The following SEC61A1 variants were observed in gnomAD, a reference collection of about 807,000 sequenced individuals.
SEC61A1 encodes SEC61 translocon subunit alpha 1.
In SEC61A1, 15 loss-of-function variants were observed where a neutral mutation model predicts 55.2. That is an observed-to-expected ratio of 0.27 (90% confidence interval 0.18 to 0.42). The LOEUF is 0.42. SEC61A1 is among the 10% of genes least tolerant of loss of function. The pLI, the probability that SEC61A1 is intolerant of heterozygous loss-of-function variation, is 1.00. For missense variants in SEC61A1, 284 were observed against 602.6 expected (o/e 0.47, Z 5.53); for synonymous variants, 247 against 234.0 (o/e 1.06, Z -0.51).
In SEC61A1 at chr3:128,052,485, G is replaced by C. The variant is rs548077276; in HGVS notation, c.-68G>C. The C allele has an allele frequency of 3.8e-6, 6 of 1,559,230 alleles. 1 individual carries two copies. The East Asian group carries it at 1.4e-4, about 37-fold the overall frequency. ...TGTGCAGTGGAACGCGCTGGGCCGC[G>C]GGCAGCGTCGCCTCACGCGGAGCAG... On this transcript the variant is annotated 5_prime_UTR_variant, in exon 1 of 12. Coordinates refer to ENST00000243253, the MANE Select transcript of SEC61A1 (RefSeq NM_013336.4).
At chr3:128,055,087 A>G (rs1310841805) in intron 2 of SEC61A1, among the ~76,000 whole-genome samples, 2 of 152,234 alleles carry the variant, frequency 1.3e-5, no homozygotes, top group Non-Finnish European at 2.9e-5. Context: ...TTTGTGACTG[A>G]AACTCAAATG....
chr3:128,058,357 C>T (rs1322929891), intron 5 of SEC61A1, among the ~76,000 whole-genome samples: 1 of 151,772 alleles, frequency 6.6e-6, no homozygotes, highest in Non-Finnish European at 1.5e-5. Context: ...TACAGGTGCC[C>T]GCCACCACGC....
rs2107639406 is a variant in SEC61A1, at chr3:128,052,516, A to T, written c.-37A>T. 3 of 1,591,558 alleles carry T rather than the reference A, an allele frequency of 1.9e-6. No individual in the cohort carries two copies. The highest frequency in any genetic ancestry group is 2.7e-5 in the African/African-American group (2 of 74,716). On this transcript the variant is annotated 5_prime_UTR_variant, in exon 1 of 12. Transcript: ENST00000243253. ...CGTCGCCTCACGCGGAGCAGAGCTG[A>T]GCTGAAGCGGGACCCGGAGCCCGAG...
intron 1 of SEC61A1, 32 bp downstream of exon 1, chr3:128,052,591 G>T: frequency 6.3e-7 from 1 of 1,588,472 alleles, no homozygotes; most frequent in Non-Finnish European, 8.6e-7. Flanking sequence ...TATTGAGGCC[G>T]GGACGGAACA....
intron 5 of SEC61A1, among the ~76,000 whole-genome samples, chr3:128,057,508 T>G (rs1251490400): frequency 1.3e-5 from 2 of 152,232 alleles, no homozygotes; most frequent in Non-Finnish European, 2.9e-5. Context: ...AAGGATTAAA[T>G]AATCACTGTC....
intron 7 of SEC61A1, chr3:128,064,670 C>T (rs1322057671): frequency 1.8e-6 from 1 of 556,566 alleles, no homozygotes; most frequent in East Asian, 3.0e-5. Flanking sequence ...CAAAAACAAA[C>T]CAGAATAGCC....
intron 6 of SEC61A1, 123 bp from the exon 7 acceptor site, chr3:128,060,385 G>A (rs1315100300): frequency 8.5e-7 from 1 of 1,182,354 alleles, no homozygotes; most frequent in Non-Finnish European, 1.2e-6. Context: ...ACCGCTCTCT[G>A]GGGCTGAGGA....
chr3:128,053,201 CAGTT>C (rs989525655), intron 2 of SEC61A1, among the ~76,000 whole-genome samples: 2 of 152,170 alleles, frequency 1.3e-5, no homozygotes, highest in Non-Finnish European at 2.9e-5. Flanking sequence ...AATAAGGCCT[CAGTT>C]AGGATAGCAG....
Position 128,068,074 on chromosome 3 carries a change from C to T in SEC61A1, c.1244+15C>T, listed in dbSNP as rs776590879. 9.3e-6 allele frequency: 15 copies of T among 1,609,740 alleles called. No homozygotes were observed. In the South Asian group the frequency reaches 1.6e-4, roughly 18 times the overall value. On this transcript the variant is annotated intron_variant, in intron 11 of 11. Coordinates refer to ENST00000243253, the MANE Select transcript of SEC61A1 (RefSeq NM_013336.4). ...GAACTCAACCGGTGAGTGGTGGCCCCAGGTCCCCAACCTCCCGTCTGTGGA... is the reference window on the plus strand; with the variant it reads ...GAACTCAACCGGTGAGTGGTGGCCCTAGGTCCCCAACCTCCCGTCTGTGGA...
upstream of SEC61A1, chr3:128,052,036 C>T: frequency 1.3e-6 from 1 of 765,418 alleles, no homozygotes; most frequent in Admixed American, 2.2e-5. Flanking sequence ...TCACTAACGT[C>T]AAAGAGCAGT....
chr3:128,061,018 T>A (rs190531034), intron 7 of SEC61A1, among the ~76,000 whole-genome samples: 2 of 152,342 alleles, frequency 1.3e-5, no homozygotes, highest in East Asian at 3.9e-4. Context: ...ACTGTCCTCA[T>A]ATGTTCATCT....
At chr3:128,054,138 G>A (rs1168081746) in intron 2 of SEC61A1, among the ~76,000 whole-genome samples, 3 of 152,184 alleles carry the variant, frequency 2.0e-5, no homozygotes, top group African/African-American at 7.2e-5. Flanking sequence ...GAGGACTAGA[G>A]TTGGTTTAGA....
upstream of SEC61A1, chr3:128,052,313 A>AGCAGC (rs1941693299): frequency 2.8e-6 from 1 of 357,562 alleles, no homozygotes; most frequent in Non-Finnish European, 3.9e-6. Flanking sequence ...GTCTCGGCGA[A>AGCAGC]GCGGCGCGGC....
At chr3:128,052,027 C>A, upstream of SEC61A1, 1 of 806,044 alleles carries the variant, frequency 1.2e-6, no homozygotes, top group Non-Finnish European at 2.0e-6. Flanking sequence ...ACGGTCTATT[C>A]ACTAACGTCA....
At chr3:128,052,409 C>G (rs2107639255), upstream of SEC61A1, 2 of 1,236,776 alleles carry the variant, frequency 1.6e-6, no homozygotes, top group Non-Finnish European at 2.0e-6. Context: ...CCGCGCCGCG[C>G]CGCGCCGCTT....
At position 128,067,043 on chromosome 3, in the gene SEC61A1, C is replaced by T; in HGVS notation, c.867C>T (p.Ile289=). 1.2e-6 allele frequency: 2 copies of T among 1,614,200 alleles called. No individual in the cohort carries two copies. Residue 289 remains isoleucine (I), a synonymous_variant, in exon 9 of 12, where the codon ATC becomes ATT. Coordinates refer to ENST00000243253, the MANE Select transcript of SEC61A1 (RefSeq NM_013336.4). This position sits in a 1 kb window ranked among gnomAD's most constrained non-coding sequence, Gnocchi z 4.1. Reference sequence around the variant, plus strand: ...TCAAGCTCTTCTATACGTCCAACATCCCCATCATCCTGCAGTCTGCCCTGG... The same window carrying T: ...TCAAGCTCTTCTATACGTCCAACATTCCCATCATCCTGCAGTCTGCCCTGG... ...YPIKLFYTSN[I]PIILQSALVS...
At chr3:128,064,562 A>G (rs1941904454) in intron 7 of SEC61A1, among the ~76,000 whole-genome samples, 1 of 152,144 alleles carries the variant, frequency 6.6e-6, no homozygotes, top group Admixed American at 6.6e-5. Context: ...GGATCACTTG[A>G]GCCCAGGAGG....
At chr3:128,055,365 AT>A in intron 2 of SEC61A1, 150 bp from the exon 3 acceptor site, 1 of 681,632 alleles carries the variant, frequency 1.5e-6, no homozygotes, top group Non-Finnish European at 2.6e-6. Flanking sequence ...CATGGTACTT[AT>A]GTTTGGTACA....
intron 2 of SEC61A1, among the ~76,000 whole-genome samples, chr3:128,054,869 T>G (rs1941749299): frequency 6.6e-6 from 1 of 152,202 alleles, no homozygotes; most frequent in African/African-American, 2.4e-5. Flanking sequence ...ACTTAATACT[T>G]AATAGTCATC....
Sources: gnomAD v4.1 joint callset for allele counts (sites outside exome capture counted in the v4.1 genomes callset) on GRCh38, gnomAD v4.1.1 for gene constraint, Gnocchi (gnomAD v3.1) non-coding constraint, MANE v1.5 for transcripts, NCBI Gene and HGNC (gene_info 2026-07-23, HGNC 2026-07-21) for gene names.